Variants in NDEL1 observed in about 807,000 individuals in gnomAD.
NDEL1 encodes nuclear distribution protein nudE-like 1.
NDEL1 carries 9 observed loss-of-function variants against 45.7 expected under a neutral mutation model. The ratio of observed to expected loss-of-function variants is 0.20; its 90% CI spans 0.12 to 0.34. The LOEUF is 0.34. Ranked by LOEUF, NDEL1 falls within the 10% of genes least tolerant of loss-of-function variation. The pLI is 1.00. For synonymous variants in NDEL1, 133 were observed against 158.6 expected (o/e 0.84, Z 1.21); for missense variants, 306 against 406.2 (o/e 0.75, Z 2.12).
intron 6 of NDEL1, 145 bp downstream of exon 6, chr17:8,451,098 AT>A: frequency 1.6e-6 from 1 of 628,090 alleles, no homozygotes; most frequent in Non-Finnish European, 2.4e-6. Context: ...AGAAGAAGGA[AT>A]TGTTTTCCTA....
At chr17:8,417,590 G>A (rs906642221) in intron 1 of NDEL1, among the ~76,000 whole-genome samples, 7 of 152,202 alleles carry the variant, frequency 4.6e-5, no homozygotes, top group Non-Finnish European at 1.0e-4. Context: ...TTGGATCTCT[G>A]TGTATGGTGA....
chr17:8,423,728 G>A (rs981193933), intron 1 of NDEL1, among the ~76,000 whole-genome samples: 99 of 152,170 alleles, frequency 6.5e-4, no homozygotes, highest in African/African-American at 2.3e-3. Context: ...AATTGTACAT[G>A]ACAACATACA....
downstream of NDEL1, among the ~76,000 whole-genome samples, chr17:8,469,791 C>T (rs900292975): frequency 4.5e-4 from 68 of 151,548 alleles, no homozygotes; most frequent in East Asian, 3.9e-4. Flanking sequence ...GTAACCTCCA[C>T]CTCCCGGGTT....
intron 1 of NDEL1, among the ~76,000 whole-genome samples, chr17:8,417,097 C>T (rs1436845467): frequency 1.3e-5 from 2 of 152,106 alleles, no homozygotes; most frequent in Non-Finnish European, 2.9e-5. Flanking sequence ...GAATCTCTCT[C>T]TCTTTCTTTT....
In NDEL1 at chr17:8,465,438, G is replaced by T. The variant is rs547886137; in HGVS notation, c.945-1492G>T. On this transcript the variant is annotated intron_variant, in intron 8 of 8. Transcript: ENST00000334527. This position sits in a 1 kb window ranked among gnomAD's most constrained non-coding sequence, Gnocchi z 4.9. ...CATTTGTCAGAGCCTTTCTCCTGGG[G>T]CTCTTGGTCTCTGTATGCGTGGTTG... 5 of 152,328 alleles carry T rather than the reference G, an allele frequency of 3.3e-5. No homozygotes were observed. The East Asian group carries it at 9.6e-4, about 29-fold the overall frequency. 9.4% of individuals were successfully genotyped at this position (152,328 alleles called of 1,614,324 possible).
chr17:8,428,489 C>T (rs1464956111), intron 1 of NDEL1, among the ~76,000 whole-genome samples: 3 of 151,290 alleles, frequency 2.0e-5, no homozygotes, highest in Admixed American at 1.3e-4. Context: ...CTCAGCCTCC[C>T]GAGTAGCTGG....
chr17:8,463,586 A>C (rs938075886), intron 8 of NDEL1, among the ~76,000 whole-genome samples: 1 of 152,234 alleles, frequency 6.6e-6, no homozygotes, highest in Non-Finnish European at 1.5e-5. Flanking sequence ...GGTGGCTGGG[A>C]GTAGCATGCC....
intron 1 of NDEL1, among the ~76,000 whole-genome samples, chr17:8,418,329 G>A (rs560380824): frequency 6.6e-6 from 1 of 152,246 alleles, no homozygotes; most frequent in East Asian, 1.9e-4. Flanking sequence ...TTTTCACTCT[G>A]TGACCAGCAT....
At chr17:8,459,515 G>A (rs1462292431) in intron 7 of NDEL1, among the ~76,000 whole-genome samples, 2 of 152,184 alleles carry the variant, frequency 1.3e-5, no homozygotes, top group Non-Finnish European at 2.9e-5. Context: ...TTCATGTAAA[G>A]TGTTGTAAAT....
intron 1 of NDEL1, among the ~76,000 whole-genome samples, chr17:8,441,325 C>T (rs1909720126): frequency 6.6e-6 from 1 of 152,106 alleles, no homozygotes; most frequent in South Asian, 2.1e-4. Flanking sequence ...GTATTATCAT[C>T]AAAGGCTACA....
At chr17:8,463,376 G>A in intron 8 of NDEL1, 1 of 1,610,216 alleles carries the variant, frequency 6.2e-7, no homozygotes, top group Non-Finnish European at 8.5e-7. Flanking sequence ...TGTTTGCTGT[G>A]CTCTTTTTCA....
intron 1 of NDEL1, among the ~76,000 whole-genome samples, chr17:8,437,580 C>T (rs192115162): frequency 1.2e-4 from 18 of 152,178 alleles, no homozygotes; most frequent in Admixed American, 2.6e-4. Context: ...AAAGAGAGAC[C>T]GTGTTTATGA....
chr17:8,423,883 T>C (rs926198085), intron 1 of NDEL1, among the ~76,000 whole-genome samples: 1 of 152,212 alleles, frequency 6.6e-6, no homozygotes, highest in Non-Finnish European at 1.5e-5. Flanking sequence ...GTTACTTGGC[T>C]GAAAGGCTGC....
chr17:8,469,705 CTTT>C (rs60226650), downstream of NDEL1, among the ~76,000 whole-genome samples: 17 of 129,168 alleles, frequency 1.3e-4, no homozygotes, highest in South Asian at 2.6e-4. Context: ...ACTTTAGTGA[CTTT>C]TTTTTTTTTT....
intron 1 of NDEL1, among the ~76,000 whole-genome samples, chr17:8,430,678 T>G (rs1597515891): frequency 6.6e-6 from 1 of 152,210 alleles, no homozygotes; most frequent in Non-Finnish European, 1.5e-5. Flanking sequence ...CTGGGACCCA[T>G]GCCTCGGCAA....
intron 4 of NDEL1, among the ~76,000 whole-genome samples, 197 bp downstream of exon 4, chr17:8,447,099 A>G (rs1303143832): frequency 2.0e-5 from 3 of 151,624 alleles, no homozygotes; most frequent in Admixed American, 6.6e-5. Context: ...TTCTCTTTCA[A>G]TTTTTCTTTT....
downstream of NDEL1, among the ~76,000 whole-genome samples, chr17:8,472,831 C>T (rs1321302622): frequency 3.3e-5 from 5 of 152,230 alleles, no homozygotes; most frequent in Admixed American, 3.3e-4. Context: ...CTCATGTCGT[C>T]TAGACCCAGG....
chr17:8,447,695 T>C (rs1357775082), intron 4 of NDEL1, among the ~76,000 whole-genome samples: 1 of 152,256 alleles, frequency 6.6e-6, no homozygotes, highest in African/African-American at 2.4e-5. Flanking sequence ...CTATCACTGT[T>C]GCCAAACTTT....
Position 8,448,545 on chromosome 17 carries a change from T to C in NDEL1, c.390-5T>C. 2 of 1,610,054 alleles carry C rather than the reference T, an allele frequency of 1.2e-6. No individual in the cohort carries two copies. The highest frequency in any genetic ancestry group is 4.5e-5 in the East Asian group (2 of 44,826). ...TAATTCATGTACTCTAATTTTTCTT[T>C]TTAGGGCAACAATAGTTTCACTGGA... is the stretch of plus-strand genomic sequence containing the variant. On this transcript the variant is annotated splice_polypyrimidine_tract_variant and splice_region_variant and intron_variant, in intron 4 of 8. Coordinates refer to ENST00000334527, the MANE Select transcript of NDEL1 (RefSeq NM_030808.5).
Sources: allele counts gnomAD v4.1 joint callset (sites outside exome capture counted in the v4.1 genomes callset), GRCh38; gene constraint gnomAD v4.1.1; non-coding constraint Gnocchi (gnomAD v3.1); transcripts MANE v1.5; gene names NCBI Gene and HGNC (gene_info 2026-07-23, HGNC 2026-07-21).